Variants in LAMA3 observed in about 807,000 individuals in gnomAD.
The protein encoded by LAMA3 is laminin subunit alpha-3.
Under a neutral mutation model 402.0 loss-of-function variants are expected in LAMA3, and 281 were observed. That is an observed-to-expected ratio of 0.70 (90% CI 0.63 to 0.77). The LOEUF (loss-of-function observed/expected upper bound fraction) is 0.77. Among genes scored for constraint, LAMA3 ranks in the 30% least tolerant of loss-of-function variants. The pLI is 0.00. For synonymous variants in LAMA3, 1,431 were observed against 1,558.4 expected, an observed-to-expected ratio of 0.92 and a Z score of 1.93; for missense variants, 3,840 against 4,215.5, an observed-to-expected ratio of 0.91 and a Z score of 2.47.
intron 24 of LAMA3, among the ~76,000 whole-genome samples, chr18:23,836,034 A>C (rs980596644): frequency 2.0e-5 from 3 of 152,126 alleles, no homozygotes; most frequent in Non-Finnish European, 2.9e-5. Context: ...GATAAGGATA[A>C]AACTAAGTAA....
chr18:23,894,768 T>C, intron 43 of LAMA3, 139 bp from the exon 44 acceptor site: 1 of 1,019,884 alleles, frequency 9.8e-7, no homozygotes, highest in Non-Finnish European at 1.5e-6. Context: ...TCCACATCCA[T>C]CCCTGAGAAG....
chr18:23,885,595 A>G (rs1218435617), intron 41 of LAMA3, among the ~76,000 whole-genome samples: 2 of 152,068 alleles, frequency 1.3e-5, no homozygotes, highest in Non-Finnish European at 2.9e-5. Context: ...TATGCATAGG[A>G]CACTGCCAAG....
chr18:23,858,595 A>G, intron 33 of LAMA3, 94 bp from the exon 34 acceptor site: 1 of 1,130,384 alleles, frequency 8.8e-7, no homozygotes, highest in South Asian at 1.2e-5. Flanking sequence ...TCATCCTAAC[A>G]TCTTGTGTTG....
rs546384136 is a variant in LAMA3, at chr18:23,796,026, C to T, written c.1603+11869C>T. 17 of 421,748 alleles carry T rather than the reference C, an allele frequency of 4.0e-5. No individual in the cohort carries two copies. In the East Asian group the frequency reaches 5.2e-4, roughly 13 times the overall value. 26.1% of individuals were successfully genotyped at this position (421,748 alleles called of 1,614,324 possible). Reference sequence around the variant, plus strand: ...CTCTCTCCCTCTACCATGTGAGGACCCAGTGAAAAGGTGGCCATCTACAAG... The same window carrying T: ...CTCTCTCCCTCTACCATGTGAGGACTCAGTGAAAAGGTGGCCATCTACAAG... On this transcript the variant is annotated intron_variant, in intron 12 of 74. Coordinates refer to ENST00000313654, the MANE Select transcript of LAMA3 (RefSeq NM_198129.4).
chr18:23,739,118 G>A (rs2146051939), intron 2 of LAMA3, among the ~76,000 whole-genome samples: 1 of 152,278 alleles, frequency 6.6e-6, no homozygotes, highest in South Asian at 2.1e-4. Flanking sequence ...CTGGAACTGT[G>A]ACCTTCTTAG....
chr18:23,914,337 A>T, intron 56 of LAMA3, 73 bp from the exon 57 acceptor site: 1 of 1,531,402 alleles, frequency 6.5e-7, no homozygotes, highest in South Asian at 1.1e-5. Context: ...TTTGAAATGC[A>T]TCCTCATCCT....
At chr18:23,707,842 G>A (rs1228779645) in intron 1 of LAMA3, among the ~76,000 whole-genome samples, 1 of 151,788 alleles carries the variant, frequency 6.6e-6, no homozygotes, top group Non-Finnish European at 1.5e-5. Flanking sequence ...CACCTCCCAG[G>A]CTCAAGCAAT....
chr18:23,880,236 T>G (rs1433404693), intron 39 of LAMA3, among the ~76,000 whole-genome samples: 7 of 152,134 alleles, frequency 4.6e-5, no homozygotes, highest in Non-Finnish European at 7.4e-5. Flanking sequence ...GCAGTGAGAT[T>G]TGGGGAAGGA....
intron 12 of LAMA3, among the ~76,000 whole-genome samples, chr18:23,795,585 A>G (rs1188388033): frequency 1.3e-5 from 2 of 152,238 alleles, no homozygotes; most frequent in Non-Finnish European, 2.9e-5. Flanking sequence ...TTAGAGAGTC[A>G]GTTATGACTC....
chr18:23,921,482 CG>C lies in LAMA3; in HGVS notation c.8075del (p.Arg2692LeufsTer4). 1 of 1,613,760 alleles carries C rather than the reference CG, an allele frequency of 6.2e-7. No individual in the cohort carries two copies. The highest frequency in any genetic ancestry group is 8.5e-7 in the Non-Finnish European group (1 of 1,179,874). On this transcript the variant is annotated frameshift_variant, in exon 62 of 75. Transcript: ENST00000313654. LOFTEE classifies it high-confidence loss of function. ...IQIKIGKLQK[R>X]MWINVDVQNT... ...GATCAAAATTGGAAAACTCCAAAAG[CG>C]TATGTGGATAAATGTGGACGTTCAA...
chr18:23,904,091 A>C lies in LAMA3; in HGVS notation c.6473+4A>C. ...AGCTGGCAAAGCAGCTGGAAGAGTG[A>C]GTGCATGGCCCAGGAGACCAGAAGG... On this transcript the variant is annotated splice_donor_region_variant and intron_variant, in intron 50 of 74. Transcript: ENST00000313654. 1.9e-6 allele frequency: 3 copies of C among 1,613,346 alleles called. No individual in the cohort carries two copies. The highest frequency in any genetic ancestry group is 2.5e-6 in the Non-Finnish European group (3 of 1,179,994).
chr18:23,891,546 G>T (rs1338061498), intron 42 of LAMA3, among the ~76,000 whole-genome samples: 4 of 152,182 alleles, frequency 2.6e-5, no homozygotes. Context: ...TTCTCCAATA[G>T]TAAGTGCCTC....
chr18:23,835,554 C>T (rs2063565458), intron 24 of LAMA3, among the ~76,000 whole-genome samples: 1 of 152,154 alleles, frequency 6.6e-6, no homozygotes, highest in African/African-American at 2.4e-5. Context: ...AGTTTCTATC[C>T]TTAGAAACAC....
chr18:23,710,568 A>AT (rs538142272), intron 1 of LAMA3, among the ~76,000 whole-genome samples: 25 of 150,168 alleles, frequency 1.7e-4, no homozygotes, highest in Admixed American at 6.0e-4. Flanking sequence ...CATTCTTCTG[A>AT]TTTTTTTTTT....
chr18:23,775,285 G>A (rs1235281084), intron 9 of LAMA3, among the ~76,000 whole-genome samples: 1 of 152,174 alleles, frequency 6.6e-6, no homozygotes, highest in Non-Finnish European at 1.5e-5. Context: ...CCTTCAGTAA[G>A]CCATTTCACT....
At chr18:23,942,722 GCAC>G (rs1279320472) in intron 68 of LAMA3, among the ~76,000 whole-genome samples, 1 of 151,950 alleles carries the variant, frequency 6.6e-6, no homozygotes, top group African/African-American at 2.4e-5. Flanking sequence ...GGGATTACAG[GCAC>G]CACCACCACG....
intron 64 of LAMA3, 142 bp downstream of exon 64, chr18:23,928,907 C>A: frequency 3.6e-6 from 3 of 823,140 alleles, no homozygotes; most frequent in Non-Finnish European, 6.1e-6. Context: ...ATAGTTCAAC[C>A]ATAAACGTTA....
intron 2 of LAMA3, among the ~76,000 whole-genome samples, chr18:23,744,046 C>CA (rs1198008036): frequency 1.3e-5 from 2 of 152,164 alleles, no homozygotes; most frequent in Non-Finnish European, 2.9e-5. Flanking sequence ...ATTCAACAAG[C>CA]ATATAATTTA....
intron 51 of LAMA3, among the ~76,000 whole-genome samples, 173 bp downstream of exon 51, chr18:23,904,867 T>C (rs544673980): frequency 6.1e-4 from 93 of 152,264 alleles, no homozygotes; most frequent in Non-Finnish European, 1.2e-3. Flanking sequence ...GACTATTTCA[T>C]GTCTGTAGCA....
Sources: gnomAD v4.1 joint callset for allele counts (sites outside exome capture counted in the v4.1 genomes callset) on GRCh38, gnomAD v4.1.1 for gene constraint, MANE v1.5 for transcripts, NCBI Gene and HGNC (gene_info 2026-07-23, HGNC 2026-07-21) for gene names.